ZNF480: variants seen among roughly 807,000 people sequenced by gnomAD.
ZNF480 encodes zinc finger protein 480.
In ZNF480, 15 loss-of-function variants were observed where a neutral mutation model predicts 14.4. The ratio of observed to expected loss-of-function variants is 1.04; its 90% CI spans 0.70 to 1.60. The LOEUF is 1.60. Among genes scored for constraint, ZNF480 ranks in the 40% most tolerant of loss-of-function variants. The pLI is 0.00. For missense variants in ZNF480, 593 were observed against 629.7 expected, an observed-to-expected ratio of 0.94 and a Z score of 0.62; for synonymous variants, 218 against 215.5, an observed-to-expected ratio of 1.01 and a Z score of -0.10.
chr19:52,310,318 A>G (rs1432135947), intron 2 of ZNF480, among the ~76,000 whole-genome samples: 1 of 152,176 alleles, frequency 6.6e-6, no homozygotes, highest in Non-Finnish European at 1.5e-5. Flanking sequence ...TGGCCTCCCA[A>G]AATGCTGGGA....
intron 4 of ZNF480, among the ~76,000 whole-genome samples, chr19:52,319,279 G>T (rs1983695429): frequency 6.6e-6 from 1 of 152,162 alleles, no homozygotes; most frequent in African/African-American, 2.4e-5. Context: ...GACAGGTCTA[G>T]AGTAGTAATG....
At chr19:52,314,660 C>G (rs899197920) in intron 3 of ZNF480, among the ~76,000 whole-genome samples, 1 of 151,288 alleles carries the variant, frequency 6.6e-6, no homozygotes, top group African/African-American at 2.4e-5. Flanking sequence ...AAAAATTAGC[C>G]GGGCATGGTG....
Position 52,304,147 on chromosome 19 carries a change from A to T in ZNF480, c.72+3663A>T, listed in dbSNP as rs927498456. Among the ~76,000 whole-genome samples the T allele has an allele frequency of 2.6e-5, 4 of 152,364 alleles. No homozygotes were observed. The East Asian group carries it at 7.7e-4, about 29-fold the overall frequency. Reference sequence around the variant, plus strand: ...GGACAGTTTAACATGCCTTGTGGCAACACTTTCCAATGAAAACGCTTAGCA... The same window carrying T: ...GGACAGTTTAACATGCCTTGTGGCATCACTTTCCAATGAAAACGCTTAGCA... On this transcript the variant is annotated intron_variant, in intron 2 of 4. Coordinates refer to ENST00000595962, the MANE Select transcript of ZNF480 (RefSeq NM_144684.4).
intron 4 of ZNF480, among the ~76,000 whole-genome samples, chr19:52,316,795 CA>C (rs1398329465): frequency 6.6e-6 from 1 of 152,106 alleles, no homozygotes; most frequent in Non-Finnish European, 1.5e-5. Context: ...TGGAATCACA[CA>C]GTATTTGTCT....
At chr19:52,315,409 G>A (rs1246769173) in intron 3 of ZNF480, among the ~76,000 whole-genome samples, 1 of 151,824 alleles carries the variant, frequency 6.6e-6, no homozygotes, top group Non-Finnish European at 1.5e-5. Context: ...TCCGCCTCCT[G>A]GGGTCAAATG....
intron 2 of ZNF480, among the ~76,000 whole-genome samples, chr19:52,309,248 G>A (rs1337011562): frequency 6.6e-6 from 1 of 152,172 alleles, no homozygotes; most frequent in African/African-American, 2.4e-5. Context: ...ATGCGCTCTG[G>A]TCAGCCCAGC....
chr19:52,315,771 T>C, intron 3 of ZNF480, 63 bp from the exon 4 acceptor site: 1 of 1,551,290 alleles, frequency 6.4e-7, no homozygotes, highest in Admixed American at 1.9e-5. Context: ...GTCTCCTTCC[T>C]ACACATAGGG....
At chr19:52,303,412 CT>C (rs1344384765) in intron 2 of ZNF480, among the ~76,000 whole-genome samples, 4 of 152,108 alleles carry the variant, frequency 2.6e-5, no homozygotes, top group Admixed American at 2.6e-4. Context: ...GTATTTGTGC[CT>C]TTGTAAGAGG....
chr19:52,302,643 T>C (rs769913352), intron 2 of ZNF480, among the ~76,000 whole-genome samples: 17 of 152,210 alleles, frequency 1.1e-4, no homozygotes, highest in Non-Finnish European at 1.8e-4. Flanking sequence ...TACACATACA[T>C]GCACATAAGC....
In ZNF480 at chr19:52,322,062, A is replaced by T. The variant is rs1407455247; in HGVS notation, c.812A>T (p.Asn271Ile). The part of the protein sequence containing the change: ...CNVCGKVFSY[N>I]SNFARHQRIH... ...GTCTGTGGCAAGGTTTTTAGTTACA[A>T]TTCAAACTTTGCACGACATCAAAGA... The change falls in exon 5 of 5, where the codon AAT (asparagine) becomes ATT (isoleucine). Residue 271 changes from asparagine to isoleucine, a missense_variant. Physicochemically the swap from Asn to Ile is moderately radical, Grantham distance 149. Coordinates refer to ENST00000595962, the MANE Select transcript of ZNF480 (RefSeq NM_144684.4). 1 of 1,613,992 alleles carries T rather than the reference A, an allele frequency of 6.2e-7. No homozygotes were observed. Among genetic ancestry groups the T allele is most frequent in the South Asian group, 1.1e-5 (1 of 91,072 alleles).
Position 52,297,173 on chromosome 19 carries a change from T to G in ZNF480, c.-70T>G, listed in dbSNP as rs1436554275. ...GGACCCCTCCGCTGCGCGCGCAGTT[T>G]CCCACAAACCCGGAAGCGGATCGCG... On this transcript the variant is annotated 5_prime_UTR_variant, in exon 1 of 5. Transcript: ENST00000595962. The G allele has an allele frequency of 7.2e-6, 3 of 414,460 alleles. No individual in the cohort carries two copies. Among genetic ancestry groups the G allele is most frequent in the East Asian group, 8.9e-5 (1 of 11,174 alleles). 25.7% of individuals were successfully genotyped at this position (414,460 alleles called of 1,614,324 possible).
At chr19:52,316,906 T>G (rs997515427) in intron 4 of ZNF480, among the ~76,000 whole-genome samples, 1 of 152,190 alleles carries the variant, frequency 6.6e-6, no homozygotes, top group African/African-American at 2.4e-5. Flanking sequence ...CTGAATAATA[T>G]TCTTCTATTT....
Position 52,315,832 on chromosome 19 carries a change from AG to A in ZNF480, c.200del. On this transcript the variant is annotated splice_acceptor_variant, in intron 3 of 4. Transcript: ENST00000595962. LOFTEE classifies it high-confidence loss of function. ...CATTTTGATTTTTTTTTTTACAAAC[AG>A]GAATCTCTCTTCCTGACCTGAATAT... 6.2e-7 allele frequency: 1 copy of A among 1,604,758 alleles called. No individual in the cohort carries two copies. The highest frequency in any genetic ancestry group is 8.5e-7 in the Non-Finnish European group (1 of 1,175,324).
intron 2 of ZNF480, chr19:52,308,782 TG>T (rs1983115697): frequency 7.0e-6 from 1 of 143,668 alleles, no homozygotes; most frequent in Non-Finnish European, 1.5e-5. Context: ...GTGATAATTT[TG>T]CTCAGAGATT....
At chr19:52,299,670 C>T (rs564648099) in intron 1 of ZNF480, among the ~76,000 whole-genome samples, 1 of 152,104 alleles carries the variant, frequency 6.6e-6, no homozygotes, top group East Asian at 1.9e-4. Context: ...AAAGAAGGGG[C>T]TTTGGGATAC....
At chr19:52,307,951 C>A (rs1379429069) in intron 2 of ZNF480, among the ~76,000 whole-genome samples, 1 of 152,158 alleles carries the variant, frequency 6.6e-6, no homozygotes, top group Non-Finnish European at 1.5e-5. Flanking sequence ...TATTTATGGC[C>A]AGCTTCTTTA....
chr19:52,305,868 G>A lies in ZNF480; in HGVS notation c.72+5384G>A, dbSNP rs940094957. Among the ~76,000 whole-genome samples, 5 of 152,308 alleles carry A rather than the reference G, an allele frequency of 3.3e-5. No individual in the cohort carries two copies. In the East Asian group the frequency reaches 7.7e-4, roughly 24 times the overall value. On this transcript the variant is annotated intron_variant, in intron 2 of 4. Transcript: ENST00000595962. Reference sequence around the variant, plus strand: ...TTCCCATCTTCATCAAACTTAGAGTGACACTGATTAGCCCAGTGTTTTCGT... The same window carrying A: ...TTCCCATCTTCATCAAACTTAGAGTAACACTGATTAGCCCAGTGTTTTCGT...
Position 52,322,396 on chromosome 19 carries a change from A to G in ZNF480, c.1146A>G (p.Gln382=). Reference sequence around the variant, plus strand: ...ATGAATGTGGAAAGGTCTTTATTCAAAATTCGCACCTAGCACAACATTGGA... The same window carrying G: ...ATGAATGTGGAAAGGTCTTTATTCAGAATTCGCACCTAGCACAACATTGGA... ...KCNECGKVFI[Q]NSHLAQHWRI... Residue 382 remains glutamine, a synonymous_variant, in exon 5 of 5, where the codon CAA becomes CAG. Coordinates refer to ENST00000595962, the MANE Select transcript of ZNF480 (RefSeq NM_144684.4). 1 of 1,613,804 alleles carries G rather than the reference A, an allele frequency of 6.2e-7. No individual in the cohort carries two copies. Among genetic ancestry groups the G allele is most frequent in the Non-Finnish European group, 8.5e-7 (1 of 1,179,932 alleles).
At chr19:52,315,219 G>A (rs900601424) in intron 3 of ZNF480, among the ~76,000 whole-genome samples, 1 of 152,134 alleles carries the variant, frequency 6.6e-6, no homozygotes, top group Non-Finnish European at 1.5e-5. Context: ...GAAGTGCTGG[G>A]ATTACAGGCA....
Sources: allele counts gnomAD v4.1 joint callset (sites outside exome capture counted in the v4.1 genomes callset), GRCh38; gene constraint gnomAD v4.1.1; transcripts MANE v1.5; gene names NCBI Gene and HGNC (gene_info 2026-07-23, HGNC 2026-07-21).